Variants in FAM135A observed in about 807,000 individuals in gnomAD.
The protein encoded by FAM135A is family with sequence similarity 135 member A.
A neutral mutation model predicts 146.8 loss-of-function variants in FAM135A; 79 were observed. That is an observed-to-expected ratio of 0.54 (90% CI 0.45 to 0.65). The LOEUF (loss-of-function observed/expected upper bound fraction) is 0.65. FAM135A is among the 30% of genes least tolerant of loss of function. FAM135A has a pLI of 0.00. For missense variants in FAM135A, 1,623 were observed against 1,758.2 expected (o/e 0.92, Z 1.38); for synonymous variants, 562 against 603.6 (o/e 0.93, Z 1.01).
chr6:70,443,853 C>G (rs1450799671), intron 4 of FAM135A, among the ~76,000 whole-genome samples: 1 of 152,052 alleles, frequency 6.6e-6, no homozygotes, highest in Admixed American at 6.6e-5. Flanking sequence ...ACAAAAGCAG[C>G]TTAATTGCTT....
chr6:70,423,410 A>G (rs1372584561), intron 2 of FAM135A, among the ~76,000 whole-genome samples: 1 of 152,188 alleles, frequency 6.6e-6, no homozygotes, highest in Non-Finnish European at 1.5e-5. Context: ...GTTACGAGAC[A>G]TGAAAGTCTG....
At position 70,415,329 on chromosome 6, in the gene FAM135A, T is replaced by C. The variant is rs546692028; in HGVS notation, c.-181T>C. 16 of 152,296 alleles carry C rather than the reference T, an allele frequency of 1.1e-4. No homozygotes were observed. The highest frequency in any genetic ancestry group is 3.4e-4 in the African/African-American group (14 of 41,578). 9.4% of individuals were successfully genotyped at this position (152,296 alleles called of 1,614,324 possible). On this transcript the variant is annotated 5_prime_UTR_variant, in exon 2 of 22. Transcript: ENST00000418814. ...CTGGATTATGTATTTGGTTCTGGAA[T>C]CTCAAAGCAGTCCACAAACAAATTC...
Position 70,533,265 on chromosome 6 carries a change from G to A in FAM135A, c.3867+14G>A, listed in dbSNP as rs1210659097. The A allele has an allele frequency of 1.1e-5, 17 of 1,591,918 alleles. No homozygotes were observed. The highest frequency in any genetic ancestry group is 1.8e-5 in the Admixed American group (1 of 56,344). ...GAGAGAAATCAGGTACAATATGACA[G>A]TGTTTTCAGTGAAAACAAACATTTT... On this transcript the variant is annotated intron_variant, in intron 17 of 21. Coordinates refer to ENST00000418814, the MANE Select transcript of FAM135A (RefSeq NM_001162529.3).
chr6:70,444,460 G>A (rs1332702885), intron 4 of FAM135A, among the ~76,000 whole-genome samples: 1 of 152,044 alleles, frequency 6.6e-6, no homozygotes, highest in African/African-American at 2.4e-5. Context: ...AGCTACTCGG[G>A]AGGCTGAGAT....
chr6:70,523,819 C>A, intron 13 of FAM135A, 148 bp from the exon 14 acceptor site: 1 of 636,890 alleles, frequency 1.6e-6, no homozygotes, highest in Non-Finnish European at 2.5e-6. Context: ...CAGTTTTTAT[C>A]GCTGACCAAG....
At chr6:70,551,117 C>T (rs1300712594) in intron 20 of FAM135A, among the ~76,000 whole-genome samples, 1 of 152,204 alleles carries the variant, frequency 6.6e-6, no homozygotes, top group Non-Finnish European at 1.5e-5. Context: ...CAAACCTTCT[C>T]CGCATCAGCA....
chr6:70,450,732 T>TGAG (rs1776874729), intron 4 of FAM135A, among the ~76,000 whole-genome samples: 2 of 72,564 alleles, frequency 2.8e-5, no homozygotes, highest in African/African-American at 1.3e-4. Context: ...TTTTTTTTTT[T>TGAG]TTTTTTTTTT....
chr6:70,413,941 C>T (rs1315391229), intron 1 of FAM135A: 34 of 985,434 alleles, frequency 3.5e-5, no homozygotes, highest in Non-Finnish European at 4.1e-5. Context: ...GCGCTGCTCT[C>T]CCGGTGCCCG....
Position 70,413,605 on chromosome 6 carries a change from G to C in FAM135A, c.-317G>C, listed in dbSNP as rs964805238. ...GTGATGGCGATGTGAGGGGGCCCGG[G>C]GCGGGATGGTGCTGACCCGGGTCGG... is the stretch of plus-strand genomic sequence containing the variant. On this transcript the variant is annotated 5_prime_UTR_variant, in exon 1 of 22. Transcript: ENST00000418814. The C allele has an allele frequency of 6.0e-6, 1 of 166,772 alleles. No homozygotes were observed. The highest frequency in any genetic ancestry group is 2.4e-5 in the African/African-American group (1 of 41,696). 10.3% of individuals were successfully genotyped at this position (166,772 alleles called of 1,614,324 possible).
intron 11 of FAM135A, among the ~76,000 whole-genome samples, chr6:70,495,235 A>G (rs769046163): frequency 6.6e-6 from 1 of 152,164 alleles, no homozygotes; most frequent in Non-Finnish European, 1.5e-5. Flanking sequence ...GCTCTTTTTC[A>G]TAAAAATGTA....
chr6:70,422,569 A>G lies in FAM135A; in HGVS notation c.-133-3870A>G, dbSNP rs57627989. Among the ~76,000 whole-genome samples, 628 of 152,360 alleles carry G rather than the reference A, an allele frequency of 4.1e-3. 3 individuals carry two copies. The highest frequency in any genetic ancestry group is 0.015 in the African/African-American group (607 of 41,574). On this transcript the variant is annotated intron_variant, in intron 2 of 21. Coordinates refer to ENST00000418814, the MANE Select transcript of FAM135A (RefSeq NM_001162529.3). ...AAGGAAATTAGGCAGCAACAATAGA[A>G]CAAAAAGCACAACAGGATACAAGAG... is the stretch of plus-strand genomic sequence containing the variant.
chr6:70,496,585 C>T (rs968710912), intron 11 of FAM135A, among the ~76,000 whole-genome samples: 7 of 151,780 alleles, frequency 4.6e-5, no homozygotes, highest in East Asian at 1.9e-4. Context: ...CCATCATGCC[C>T]GTGTCCTGAA....
chr6:70,525,928 T>G lies in FAM135A; in HGVS notation c.2844T>G (p.Cys948Trp), dbSNP rs766609516. The G allele has an allele frequency of 6.2e-7, 1 of 1,613,438 alleles. No homozygotes were observed. The change falls in exon 15 of 22, where the codon TGT becomes TGG. Residue 948 changes from cysteine (C) to tryptophan (W), a missense_variant. Transcript: ENST00000418814. ...CCAAACCTAACTTGGATACTATGTG[T>G]AAAGGCTTCCAGAGTCCTGATAAAT... is the stretch of plus-strand genomic sequence containing the variant. ...CSSKPNLDTMCKGFQSPDKSN... is the reference protein window; with the variant it reads ...CSSKPNLDTMWKGFQSPDKSN...
intron 11 of FAM135A, among the ~76,000 whole-genome samples, chr6:70,501,469 C>T (rs1026905028): frequency 6.6e-6 from 1 of 152,190 alleles, no homozygotes; most frequent in Non-Finnish European, 1.5e-5. Flanking sequence ...CCACCTGGCT[C>T]CCTGGCTTCA....
intron 10 of FAM135A, among the ~76,000 whole-genome samples, chr6:70,490,444 A>G (rs1785649610): frequency 6.6e-6 from 1 of 152,120 alleles, no homozygotes; most frequent in Non-Finnish European, 1.5e-5. Flanking sequence ...ATAGATTATT[A>G]TAGCATACAT....
At chr6:70,547,917 C>A (rs1019187846) in intron 20 of FAM135A, among the ~76,000 whole-genome samples, 11 of 152,126 alleles carry the variant, frequency 7.2e-5, no homozygotes, top group African/African-American at 2.7e-4. Flanking sequence ...TAAAGGTAAC[C>A]GTTCAACAAA....
chr6:70,526,731 A>G, intron 15 of FAM135A, 33 bp downstream of exon 15: 1 of 1,430,756 alleles, frequency 7.0e-7, no homozygotes, highest in Non-Finnish European at 9.5e-7. Context: ...ACCTGCTGCT[A>G]AATATATACA....
intron 20 of FAM135A, among the ~76,000 whole-genome samples, chr6:70,542,248 GCACACA>G (rs112638092): frequency 1.2e-4 from 17 of 141,852 alleles, no homozygotes; most frequent in Admixed American, 1.1e-3. Flanking sequence ...TTTTTATCCT[GCACACA>G]CACACACACA....
chr6:70,473,795 C>G (rs1447098914), intron 5 of FAM135A, among the ~76,000 whole-genome samples: 1 of 152,110 alleles, frequency 6.6e-6, no homozygotes, highest in Non-Finnish European at 1.5e-5. Context: ...TGTCAAGCTG[C>G]TGCTGCTGCC....
Sources: allele counts gnomAD v4.1 joint callset (sites outside exome capture counted in the v4.1 genomes callset), GRCh38; gene constraint gnomAD v4.1.1; transcripts MANE v1.5; gene names NCBI Gene and HGNC (gene_info 2026-07-23, HGNC 2026-07-21).